Variants in MILR1 observed in about 807,000 individuals in gnomAD.
MILR1 encodes mast cell immunoglobulin like receptor 1, also known as allergin-1.
In MILR1, 31 loss-of-function variants were observed where a neutral mutation model predicts 18.5. The observed-to-expected ratio is 1.68, with a 90% CI of 1.26 to 2.26. MILR1 has a LOEUF of 2.26. Among genes scored for constraint, MILR1 ranks in the 30% most tolerant of loss-of-function variants. The pLI, the probability that MILR1 is intolerant of heterozygous loss-of-function variation, is 0.00. For synonymous variants in MILR1, 85 were observed against 56.2 expected, an observed-to-expected ratio of 1.51 and a Z score of -2.30; for missense variants, 257 against 157.4, an observed-to-expected ratio of 1.63 and a Z score of -3.38.
At chr17:64,474,340 G>A in the MILR1 span, among the ~76,000 whole-genome samples, 2 of 152,004 alleles carry the variant, frequency 1.3e-5, no homozygotes, top group Non-Finnish European at 2.9e-5. Context: ...CTCCCAAAGT[G>A]CTGGGATTAC....
chr17:64,466,366 C>A, intron 6 of MILR1, 76 bp from the exon 7 acceptor site: 2 of 1,233,302 alleles, frequency 1.6e-6, no homozygotes, highest in African/African-American at 1.5e-5. Flanking sequence ...ATTCCAGACG[C>A]ATTGCTGAGC....
the MILR1 span, chr17:64,492,692 C>G: frequency 6.2e-7 from 1 of 1,609,878 alleles, no homozygotes; most frequent in Non-Finnish European, 8.5e-7. Context: ...GAGTCGATGA[C>G]GTAACCAGAA....
At chr17:64,493,781 C>T in the MILR1 span, among the ~76,000 whole-genome samples, 2 of 151,998 alleles carry the variant, frequency 1.3e-5, no homozygotes, top group Non-Finnish European at 2.9e-5. Flanking sequence ...CCACCGCGCC[C>T]GACAAAGATT....
At chr17:64,483,051 G>A in the MILR1 span, 2 of 905,832 alleles carry the variant, frequency 2.2e-6, no homozygotes, top group African/African-American at 3.3e-5. Context: ...AAAAAGCATA[G>A]TTTGTTTAAA....
downstream of MILR1, among the ~76,000 whole-genome samples, chr17:64,472,031 G>T (rs2037693225): frequency 6.6e-6 from 1 of 152,194 alleles, no homozygotes; most frequent in Admixed American, 6.6e-5. Flanking sequence ...AGAAGAATAT[G>T]CAGGGGATTT....
At chr17:64,467,525 C>A in intron 8 of MILR1, 40 bp from the exon 9 acceptor site, 1 of 1,263,682 alleles carries the variant, frequency 7.9e-7, no homozygotes, top group South Asian at 1.3e-5. Context: ...CCTTGCTGGT[C>A]ACATATCCTA....
chr17:64,478,261 T>C, the MILR1 span, among the ~76,000 whole-genome samples: 84 of 151,592 alleles, frequency 5.5e-4, no homozygotes, highest in African/African-American at 1.9e-3. Context: ...TCATTTGGGG[T>C]GATATCACAG....
chr17:64,459,974 T>A (rs1377171649), intron 4 of MILR1, among the ~76,000 whole-genome samples: 1 of 142,642 alleles, frequency 7.0e-6, no homozygotes, highest in Non-Finnish European at 1.5e-5. Flanking sequence ...TAAACTTTAT[T>A]ATTTTTATTT....
the MILR1 span, among the ~76,000 whole-genome samples, chr17:64,491,320 C>T: frequency 3.9e-5 from 6 of 152,138 alleles, no homozygotes; most frequent in East Asian, 9.6e-4. Flanking sequence ...ACTGGCCAGG[C>T]ACAGTGGCTC....
In MILR1 at chr17:64,452,601, C is replaced by G. The variant is rs267604997; in HGVS notation, c.102C>G (p.Phe34Leu). ...LDCEAMKTNE[F>L]PSPCLDSKTK... ...TTGTGTCATTTTGTTTTTCAGAATT[C>G]CCTTCTCCATGTTTGGACTCAAAGA... Residue 34 changes from phenylalanine (F) to leucine (L), a missense_variant, in exon 3 of 10, where the codon TTC becomes TTG. Physicochemically the swap from Phe to Leu is conservative, Grantham distance 22. Coordinates refer to ENST00000619286, the MANE Select transcript of MILR1 (RefSeq NM_001085423.2). 4.8e-6 allele frequency: 2 copies of G among 416,432 alleles called. No homozygotes were observed. The highest frequency in any genetic ancestry group is 4.1e-5 in the African/African-American group (2 of 48,912). 25.8% of individuals were successfully genotyped at this position (416,432 alleles called of 1,614,324 possible).
At chr17:64,453,284 G>A (rs1329380115) in intron 3 of MILR1, among the ~76,000 whole-genome samples, 1 of 151,792 alleles carries the variant, frequency 6.6e-6, no homozygotes, top group African/African-American at 2.4e-5. Flanking sequence ...GGTCAGGCTG[G>A]TCTCGAACTC....
chr17:64,456,724 C>A (rs1324538397), intron 3 of MILR1, among the ~76,000 whole-genome samples: 2 of 152,070 alleles, frequency 1.3e-5, no homozygotes, highest in African/African-American at 4.8e-5. Flanking sequence ...ATCACTTGAG[C>A]CTGGGAGTTT....
chr17:64,470,614 A>C (rs2037673830), downstream of MILR1, among the ~76,000 whole-genome samples: 1 of 152,088 alleles, frequency 6.6e-6, no homozygotes, highest in Non-Finnish European at 1.5e-5. Context: ...CCCAAGGCCT[A>C]CCCCGTCCCT....
chr17:64,467,935 C>CAA (rs112297771), intron 9 of MILR1: 3,906 of 157,734 alleles, frequency 0.025, 29 homozygotes, highest in Middle Eastern at 0.033. Context: ...GACTTCATCT[C>CAA]AAAAAAAAAA....
chr17:64,493,085 T>C, the MILR1 span: 474 of 1,524,528 alleles, frequency 3.1e-4, 1 homozygote, highest in Middle Eastern at 1.2e-3. Context: ...TTTTTGTCAA[T>C]AGACACATTA....
chr17:64,466,765 G>A, intron 8 of MILR1, 103 bp downstream of exon 8: 3 of 961,894 alleles, frequency 3.1e-6, no homozygotes, highest in Non-Finnish European at 4.8e-6. Context: ...TGGGGTGGAT[G>A]GGAGCAATGC....
intron 2 of MILR1, among the ~76,000 whole-genome samples, chr17:64,450,325 C>T (rs1016963881): frequency 6.6e-6 from 1 of 152,130 alleles, no homozygotes; most frequent in Non-Finnish European, 1.5e-5. Context: ...CGTCACAGTG[C>T]CAGGCATATG....
chr17:64,491,763 C>T, the MILR1 span: 1 of 680,652 alleles, frequency 1.5e-6, no homozygotes, highest in Non-Finnish European at 2.6e-6. Context: ...GGAGCTCAAG[C>T]ACGAGCGGCT....
chr17:64,491,601 T>G, the MILR1 span: 1 of 1,543,760 alleles, frequency 6.5e-7, no homozygotes, highest in Non-Finnish European at 8.9e-7. Context: ...GATCTTGATG[T>G]GGGACTTCAG....
Sources: gnomAD v4.1 joint callset for allele counts (sites outside exome capture counted in the v4.1 genomes callset) on GRCh38, gnomAD v4.1.1 for gene constraint, MANE v1.5 for transcripts, NCBI Gene and HGNC (gene_info 2026-07-23, HGNC 2026-07-21) for gene names.